FGD5: variants seen among roughly 807,000 people sequenced by gnomAD.
FGD5 encodes FYVE, RhoGEF and PH domain-containing protein 5.
In FGD5, 28 loss-of-function variants were observed where a neutral mutation model predicts 133.4. That is an observed-to-expected ratio of 0.21 (90% CI 0.16 to 0.29). FGD5 has a LOEUF of 0.29. FGD5 is among the 10% of genes least tolerant of loss of function. FGD5 has a pLI of 1.00. For missense variants in FGD5, 1,858 were observed against 1,895.2 expected, an observed-to-expected ratio of 0.98 and a Z score of 0.36; for synonymous variants, 810 against 776.5, an observed-to-expected ratio of 1.04 and a Z score of -0.72.
intron 1 of FGD5, among the ~76,000 whole-genome samples, chr3:14,849,762 C>A (rs1378028210): frequency 6.6e-6 from 1 of 152,118 alleles, no homozygotes; most frequent in Non-Finnish European, 1.5e-5. Flanking sequence ...CTCTGTGCAC[C>A]TGTTTCTCCA....
intron 1 of FGD5, among the ~76,000 whole-genome samples, chr3:14,832,525 A>G (rs2036731813): frequency 6.6e-6 from 1 of 152,156 alleles, no homozygotes; most frequent in Admixed American, 6.5e-5. Flanking sequence ...TTCCTTCTTT[A>G]TGTGCCTCAT....
upstream of FGD5, among the ~76,000 whole-genome samples, chr3:14,814,283 A>G (rs1337347638): frequency 1.3e-5 from 2 of 152,154 alleles, no homozygotes; most frequent in Admixed American, 6.5e-5. Flanking sequence ...TCGCCCTACC[A>G]TACCCTAAAG....
intron 17 of FGD5, 116 bp from the exon 18 acceptor site, chr3:14,925,954 G>T: frequency 7.4e-7 from 1 of 1,358,780 alleles, no homozygotes; most frequent in Non-Finnish European, 1.0e-6. Flanking sequence ...CTTATCCAGT[G>T]TCAAAGCAGT....
intron 4 of FGD5, among the ~76,000 whole-genome samples, chr3:14,896,501 A>G (rs948234467): frequency 6.6e-6 from 1 of 150,496 alleles, no homozygotes; most frequent in African/African-American, 2.4e-5. Context: ...ACGGAGTTTT[A>G]TTCTTCTTCC....
At position 14,829,335 on chromosome 3, in the gene FGD5, C is replaced by T. The variant is rs138407687; in HGVS notation, c.2525+7739C>T. Among the ~76,000 whole-genome samples the T allele has an allele frequency of 2.0e-3, 299 of 152,118 alleles. 3 individuals carry two copies. The highest frequency in any genetic ancestry group is 0.016 in the Admixed American group (251 of 15,278). ...GTGATTTTCAGCAGGGGAACGCCGT[C>T]GTGTGGGTGGTGCATTGCATGGATA... On this transcript the variant is annotated intron_variant, in intron 1 of 19. Transcript: ENST00000285046.
chr3:14,881,794 C>G (rs114100909), intron 4 of FGD5, among the ~76,000 whole-genome samples: 2,151 of 152,290 alleles, frequency 0.014, 54 homozygotes, highest in African/African-American at 0.048. Flanking sequence ...AGTGGTGGAG[C>G]CAGGACAAGC....
At chr3:14,811,762 G>T (rs73814114) in intron 1 of FGD5, among the ~76,000 whole-genome samples, 7,102 of 152,234 alleles carry the variant, frequency 0.047, 555 homozygotes, top group African/African-American at 0.16. Flanking sequence ...GATTCCCAAC[G>T]CCATCTAAGG....
At chr3:14,821,946 A>G (rs1020356001) in intron 1 of FGD5, among the ~76,000 whole-genome samples, 39 of 152,230 alleles carry the variant, frequency 2.6e-4, no homozygotes, top group African/African-American at 9.4e-4. Context: ...CTAAAAATAC[A>G]AAAATTAGCT....
intron 11 of FGD5, among the ~76,000 whole-genome samples, chr3:14,914,594 G>A (rs2038516024): frequency 1.3e-5 from 2 of 152,182 alleles, no homozygotes; most frequent in Admixed American, 6.5e-5. Flanking sequence ...AGTGACATAG[G>A]TCAGTTCCCT....
chr3:14,846,972 TTAG>T (rs2037063907), intron 1 of FGD5, among the ~76,000 whole-genome samples: 1 of 152,192 alleles, frequency 6.6e-6, no homozygotes, highest in South Asian at 2.1e-4. Context: ...GAGACTGAAC[TTAG>T]TGGTCCCCCT....
chr3:14,857,165 T>G lies in FGD5; in HGVS notation c.2526-6963T>G, dbSNP rs895540349. 7.2e-5 allele frequency among the ~76,000 whole-genome samples: 11 copies of G among 152,264 alleles called. No individual in the cohort carries two copies. In the East Asian group the frequency reaches 7.7e-4, roughly 11 times the overall value. On this transcript the variant is annotated intron_variant, in intron 1 of 19. Transcript: ENST00000285046. ...GTTAGAAATGTCATCCTTTTTTTTT[T>G]TTGTTCTAGAGACAGGGCCTTGCTC... is the stretch of plus-strand genomic sequence containing the variant.
intron 9 of FGD5, among the ~76,000 whole-genome samples, chr3:14,903,619 T>G (rs2125137325): frequency 6.6e-6 from 1 of 151,604 alleles, no homozygotes; most frequent in East Asian, 2.0e-4. Flanking sequence ...TTTTTTGTTC[T>G]TGCGATAGTT....
intron 9 of FGD5, among the ~76,000 whole-genome samples, chr3:14,901,692 G>A (rs2038242193): frequency 6.6e-6 from 1 of 152,212 alleles, no homozygotes; most frequent in Non-Finnish European, 1.5e-5. Flanking sequence ...CACATCTTCT[G>A]CAGGCACAGA....
At chr3:14,840,634 A>G (rs1157968262) in intron 1 of FGD5, among the ~76,000 whole-genome samples, 1 of 152,208 alleles carries the variant, frequency 6.6e-6, no homozygotes, top group African/African-American at 2.4e-5. Flanking sequence ...ACCTATTGGT[A>G]GATATTGAGT....
rs2038920785 is a variant in FGD5 at position 14,932,744 on chromosome 3, C to A, written c.4352+13C>A. 1 of 1,609,560 alleles carries A rather than the reference C, an allele frequency of 6.2e-7. No individual in the cohort carries two copies. The highest frequency in any genetic ancestry group is 2.2e-5 in the East Asian group (1 of 44,848). On this transcript the variant is annotated intron_variant, in intron 19 of 19. Coordinates refer to ENST00000285046, the MANE Select transcript of FGD5 (RefSeq NM_152536.4). ...ATTCAGCTCAGAGGTACGAAAAGAA[C>A]TAATTAGTCTTATAGCTTTTTGTTC...
Position 14,868,938 on chromosome 3 carries a change from A to G in FGD5, c.2658+4678A>G, listed in dbSNP as rs113327963. 4.2e-3 allele frequency among the ~76,000 whole-genome samples: 641 copies of G among 152,310 alleles called. 2 individuals carry two copies. The highest frequency in any genetic ancestry group is 0.012 in the Admixed American group (178 of 15,302). On this transcript the variant is annotated intron_variant, in intron 2 of 19. Transcript: ENST00000285046. ...CTGTTGGAGTTTCACATTCTAGAGA[A>G]GGGGATGGAAGGTAAACCAGAAAAC...
At chr3:14,931,825 A>C (rs1334222140) in intron 18 of FGD5, 1 of 152,220 alleles carries the variant, frequency 6.6e-6, no homozygotes, top group East Asian at 1.9e-4. Flanking sequence ...AAGTAACTGC[A>C]AAACTGAGTC....
intron 11 of FGD5, among the ~76,000 whole-genome samples, chr3:14,911,287 G>A (rs764092425): frequency 1.3e-5 from 2 of 152,180 alleles, no homozygotes; most frequent in Non-Finnish European, 2.9e-5. Flanking sequence ...GGAGCCAAGC[G>A]TTGTGACCCA....
At chr3:14,927,467 T>C (rs2038825962) in intron 18 of FGD5, among the ~76,000 whole-genome samples, 1 of 145,554 alleles carries the variant, frequency 6.9e-6, no homozygotes, top group Non-Finnish European at 1.5e-5. Flanking sequence ...AAAAATAAAA[T>C]GAATGAATGA....
Sources: allele counts gnomAD v4.1 joint callset (sites outside exome capture counted in the v4.1 genomes callset), GRCh38; gene constraint gnomAD v4.1.1; transcripts MANE v1.5; gene names NCBI Gene and HGNC (gene_info 2026-07-23, HGNC 2026-07-21).